The following TBC1D30 variants were observed in gnomAD, a reference collection of about 807,000 sequenced individuals.
The protein encoded by TBC1D30 is TBC1 domain family member 30.
Under a neutral mutation model 63.2 loss-of-function variants are expected in TBC1D30, and 31 were observed. The observed-to-expected ratio is 0.49, with a 90% CI of 0.37 to 0.66. TBC1D30 has a LOEUF of 0.66. Among genes scored for constraint, TBC1D30 ranks in the 30% least tolerant of loss-of-function variants. TBC1D30 has a pLI of 0.00. For synonymous variants in TBC1D30, 307 were observed against 361.5 expected (o/e 0.85, Z 1.71); for missense variants, 810 against 953.6 (o/e 0.85, Z 1.98).
intron 1 of TBC1D30, among the ~76,000 whole-genome samples, chr12:64,784,866 A>T (rs1871471142): frequency 1.3e-5 from 1 of 76,540 alleles, no homozygotes; most frequent in African/African-American, 1.2e-4. Context: ...AAAGTAAAAT[A>T]AAGTAAAAAA....
intron 2 of TBC1D30, chr12:64,818,385 A>G (rs1873679658): frequency 1.0e-6 from 1 of 982,884 alleles, no homozygotes; most frequent in African/African-American, 1.8e-5. Flanking sequence ...ATTTTAAAGG[A>G]CCTTTCACAC....
chr12:64,782,470 T>C (rs1036067718), intron 1 of TBC1D30, among the ~76,000 whole-genome samples: 12 of 152,082 alleles, frequency 7.9e-5, no homozygotes, highest in Non-Finnish European at 1.5e-5. Flanking sequence ...GCTGTAGCTG[T>C]GCCATTTCAT....
chr12:64,867,326 G>A (rs1218516208), intron 10 of TBC1D30, among the ~76,000 whole-genome samples: 1 of 151,942 alleles, frequency 6.6e-6, no homozygotes, highest in Non-Finnish European at 1.5e-5. Context: ...TAGCTGTGGT[G>A]GTGCGTGCCT....
In TBC1D30 at chr12:64,824,800, C is replaced by T. The variant is rs1592595029; in HGVS notation, c.-80C>T. ...TCAGCCGCAGACACTCACCCAGCTC[C>T]GCGAGCTCAGCCGCTCAGCGAGTGG... On this transcript the variant is annotated 5_prime_UTR_variant, in exon 1 of 12. Transcript: ENST00000539867. 12 of 1,478,548 alleles carry T rather than the reference C, an allele frequency of 8.1e-6. 1 individual carries two copies. The South Asian group carries it at 1.6e-4, about 20-fold the overall frequency. The allele number at this position is 1,478,548 out of a possible 1,614,324, so 91.6% of individuals were successfully genotyped here.
chr12:64,857,179 C>T (rs1877378236), intron 8 of TBC1D30, among the ~76,000 whole-genome samples: 1 of 152,016 alleles, frequency 6.6e-6, no homozygotes, highest in Non-Finnish European at 1.5e-5. Context: ...TCACCATAGC[C>T]ACCACAGCTG....
intron 4 of TBC1D30, among the ~76,000 whole-genome samples, chr12:64,831,318 A>G (rs1261255994): frequency 6.6e-6 from 1 of 152,248 alleles, no homozygotes; most frequent in Non-Finnish European, 1.5e-5. Context: ...TGTACTAAAA[A>G]GCCTTTGCAT....
chr12:64,843,334 A>G (rs934733465), intron 7 of TBC1D30, 46 bp from the exon 8 acceptor site: 1 of 1,481,018 alleles, frequency 6.8e-7, no homozygotes, highest in African/African-American at 1.4e-5. Flanking sequence ...GTTACACAGC[A>G]TGGATGCCCT....
chr12:64,837,772 C>G (rs1875496010), intron 6 of TBC1D30, among the ~76,000 whole-genome samples: 1 of 152,084 alleles, frequency 6.6e-6, no homozygotes, highest in Non-Finnish European at 1.5e-5. Context: ...TTTTATAATG[C>G]TTCCGGATAG....
intron 8 of TBC1D30, among the ~76,000 whole-genome samples, chr12:64,861,357 G>A (rs745658567): frequency 3.3e-5 from 5 of 152,096 alleles, no homozygotes; most frequent in Non-Finnish European, 5.9e-5. Context: ...GAGAGAAATG[G>A]TGAATGTCAT....
At chr12:64,852,764 G>T (rs1344064591) in intron 8 of TBC1D30, among the ~76,000 whole-genome samples, 1 of 152,162 alleles carries the variant, frequency 6.6e-6, no homozygotes, top group Non-Finnish European at 1.5e-5. Context: ...ATGTCTGCTG[G>T]AGTTTGTTGG....
At chr12:64,799,832 C>A (rs1009706080) in intron 2 of TBC1D30, among the ~76,000 whole-genome samples, 4 of 152,116 alleles carry the variant, frequency 2.6e-5, no homozygotes, top group African/African-American at 9.7e-5. Flanking sequence ...AGAGGCCGGG[C>A]GCAGTGGCTC....
chr12:64,782,455 CT>C (rs1033587017), intron 1 of TBC1D30, among the ~76,000 whole-genome samples: 3 of 151,648 alleles, frequency 2.0e-5, no homozygotes, highest in Non-Finnish European at 4.4e-5. Context: ...CTGCCTGGGA[CT>C]TTGGCTGTAG....
rs543639657 is a variant in TBC1D30 at position 64,761,866 on chromosome 12, C to G, written c.-376+2217C>G. Reference sequence around the variant, plus strand: ...TCTTCCTTGCTCGAGATCCAAGAACCCTTTCTTGATGTCTGGATCAGGACC... The same window carrying G: ...TCTTCCTTGCTCGAGATCCAAGAACGCTTTCTTGATGTCTGGATCAGGACC... On this transcript the variant is annotated intron_variant, in intron 1 of 13. Coordinates refer to the TBC1D30 transcript ENST00000674237. Among the ~76,000 whole-genome samples, 15 of 152,250 alleles carry G rather than the reference C, an allele frequency of 9.9e-5. No homozygotes were observed. The South Asian group carries it at 2.5e-3, about 25-fold the overall frequency.
rs912007557 is a variant in TBC1D30, at chr12:64,785,813, A to G, written c.479-68A>G. 141 of 1,188,504 alleles carry G rather than the reference A, an allele frequency of 1.2e-4. 1 individual carries two copies. The highest frequency in any genetic ancestry group is 1.5e-4 in the Non-Finnish European group (135 of 905,314). 73.6% of individuals were successfully genotyped at this position (1,188,504 alleles called of 1,614,324 possible). On this transcript the variant is annotated intron_variant, in intron 1 of 12. Coordinates refer to the TBC1D30 transcript ENST00000542120. The stretch of plus-strand genomic sequence containing the variant: ...TGGATGTTCTATTTATCTTTGGACT[A>G]ATATCACACTGGAATTTGTATTCCT...
chr12:64,821,282 C>A (rs1301155623), upstream of TBC1D30, among the ~76,000 whole-genome samples: 1 of 152,180 alleles, frequency 6.6e-6, no homozygotes, highest in East Asian at 1.9e-4. Context: ...AATCAAATGA[C>A]AATCCAAAGT....
chr12:64,847,926 A>AT (rs529946903), intron 8 of TBC1D30, among the ~76,000 whole-genome samples: 21 of 149,892 alleles, frequency 1.4e-4, no homozygotes, highest in South Asian at 1.1e-3. Context: ...AAATTTGATG[A>AT]TTTTTTTTGT....
chr12:64,780,786 C>T, exon 1 of TBC1D30: 2 of 989,530 alleles, frequency 2.0e-6, no homozygotes, highest in South Asian at 4.4e-5. Context: ...CAGCGGGAGC[C>T]GGGCAGCCGC....
chr12:64,860,613 G>T (rs1287740516), intron 8 of TBC1D30, among the ~76,000 whole-genome samples: 2 of 152,128 alleles, frequency 1.3e-5, no homozygotes, highest in African/African-American at 4.8e-5. Flanking sequence ...TTTCAAACTG[G>T]ACTGTGTAAG....
chr12:64,874,876 C>G, intron 11 of TBC1D30, 125 bp from the exon 12 acceptor site: 1 of 888,074 alleles, frequency 1.1e-6, no homozygotes, highest in Non-Finnish European at 1.7e-6. Context: ...CTCTGCCCCT[C>G]CCTGGGGAAC....
Sources: allele counts gnomAD v4.1 joint callset (sites outside exome capture counted in the v4.1 genomes callset), GRCh38; gene constraint gnomAD v4.1.1; transcripts MANE v1.5; gene names NCBI Gene and HGNC (gene_info 2026-07-23, HGNC 2026-07-21).